Variants in NKAIN3 observed in about 807,000 individuals in gnomAD.
The protein encoded by NKAIN3 is sodium/potassium-transporting ATPase subunit beta-1-interacting protein 3.
In NKAIN3, 25 loss-of-function variants were observed where a neutral mutation model predicts 30.2. That is an observed-to-expected ratio of 0.83 (90% CI 0.60 to 1.16). The LOEUF (loss-of-function observed/expected upper bound fraction) is 1.16. Among genes scored for constraint, NKAIN3 ranks in the 50% most tolerant of loss-of-function variants. The probability of loss-of-function intolerance (pLI) is 0.00; values close to 1 mark genes in which losing one functional copy is unlikely to be tolerated. For missense variants in NKAIN3, 225 were observed against 254.1 expected (o/e 0.89, Z 0.78); for synonymous variants, 91 against 89.6 (o/e 1.02, Z -0.09).
intron 1 of NKAIN3, among the ~76,000 whole-genome samples, chr8:62,458,928 A>T (rs1383216801): frequency 1.3e-5 from 2 of 152,156 alleles, no homozygotes; most frequent in East Asian, 3.9e-4. Context: ...AGAATTCTTT[A>T]TCTTTCCTGT....
chr8:62,996,571 A>G (rs1191494372), intron 5 of NKAIN3, among the ~76,000 whole-genome samples: 2 of 152,158 alleles, frequency 1.3e-5, no homozygotes, highest in Non-Finnish European at 2.9e-5. Flanking sequence ...CAGCATTATC[A>G]CAAAAGTCCA....
At chr8:62,850,397 C>T (rs1345324534) in intron 4 of NKAIN3, among the ~76,000 whole-genome samples, 1 of 152,048 alleles carries the variant, frequency 6.6e-6, no homozygotes, top group Non-Finnish European at 1.5e-5. Flanking sequence ...TTCTCCCATT[C>T]TGTAGGCTGC....
intron 4 of NKAIN3, among the ~76,000 whole-genome samples, chr8:62,883,457 G>GTTGTTGTTGTT: frequency 1.4e-5 from 1 of 70,226 alleles, no homozygotes; most frequent in African/African-American, 7.0e-5. Flanking sequence ...AGTTTTATGG[G>GTTGTTGTTGTT]TTTTTTTTTT....
At chr8:62,364,533 C>A (rs1816667419) in intron 1 of NKAIN3, among the ~76,000 whole-genome samples, 1 of 151,986 alleles carries the variant, frequency 6.6e-6, no homozygotes, top group Non-Finnish European at 1.5e-5. Context: ...CTTTGTTCTT[C>A]CCTTTTTAAT....
chr8:62,363,905 A>G (rs936320685), intron 1 of NKAIN3, among the ~76,000 whole-genome samples: 2 of 152,216 alleles, frequency 1.3e-5, no homozygotes, highest in East Asian at 1.9e-4. Flanking sequence ...ATTAATAGAA[A>G]GATGTTTAAT....
chr8:62,350,764 C>T (rs1263244085), intron 1 of NKAIN3, among the ~76,000 whole-genome samples: 1 of 151,994 alleles, frequency 6.6e-6, no homozygotes, highest in East Asian at 1.9e-4. Context: ...AATCTTGGCT[C>T]ACAGCAACCT....
intron 3 of NKAIN3, among the ~76,000 whole-genome samples, chr8:62,617,921 A>G (rs1345965238): frequency 6.6e-6 from 1 of 152,258 alleles, no homozygotes; most frequent in Non-Finnish European, 1.5e-5. Flanking sequence ...TGAGTAGTTG[A>G]CACCAGAACT....
chr8:62,582,993 C>G (rs1356357504), intron 2 of NKAIN3, among the ~76,000 whole-genome samples: 1 of 152,138 alleles, frequency 6.6e-6, no homozygotes, highest in Non-Finnish European at 1.5e-5. Context: ...CCCGGTCTAG[C>G]AATATTTCCT....
intron 1 of NKAIN3, among the ~76,000 whole-genome samples, chr8:62,499,168 G>A (rs557184852): frequency 2.0e-5 from 3 of 152,168 alleles, no homozygotes; most frequent in Non-Finnish European, 2.9e-5. Flanking sequence ...AGGACTAGGC[G>A]TAAACTGCTG....
intron 4 of NKAIN3, among the ~76,000 whole-genome samples, chr8:62,755,256 G>A (rs1816413042): frequency 6.6e-6 from 1 of 152,204 alleles, no homozygotes; most frequent in African/African-American, 2.4e-5. Context: ...TGTGAGAAAA[G>A]AGGACTTCTC....
At chr8:62,256,799 C>T (rs1328069202) in intron 1 of NKAIN3, among the ~76,000 whole-genome samples, 1 of 152,144 alleles carries the variant, frequency 6.6e-6, no homozygotes, top group Admixed American at 6.5e-5. Context: ...GATCACTTTG[C>T]TTTTATAAAA....
At chr8:62,408,865 A>G (rs1415469075) in intron 1 of NKAIN3, among the ~76,000 whole-genome samples, 1 of 152,226 alleles carries the variant, frequency 6.6e-6, no homozygotes, top group African/African-American at 2.4e-5. Flanking sequence ...GTTCATATCC[A>G]TTAGTCACAA....
intron 1 of NKAIN3, among the ~76,000 whole-genome samples, chr8:62,434,978 C>A (rs1200767875): frequency 1.3e-5 from 2 of 152,052 alleles, no homozygotes; most frequent in Non-Finnish European, 2.9e-5. Context: ...GATAAGCTCC[C>A]TTTCCTGAGC....
chr8:62,437,303 T>C (rs537191867), intron 1 of NKAIN3, among the ~76,000 whole-genome samples: 2 of 152,294 alleles, frequency 1.3e-5, no homozygotes, highest in African/African-American at 4.8e-5. Context: ...ATAAAATATC[T>C]CCCAAATAGA....
At chr8:62,475,718 T>G (rs1041296564) in intron 1 of NKAIN3, among the ~76,000 whole-genome samples, 1 of 152,090 alleles carries the variant, frequency 6.6e-6, no homozygotes, top group Non-Finnish European at 1.5e-5. Flanking sequence ...GTTTAATAGC[T>G]CCAAAGGCAC....
intron 4 of NKAIN3, among the ~76,000 whole-genome samples, chr8:62,781,090 G>A (rs1018373441): frequency 6.6e-6 from 1 of 151,688 alleles, no homozygotes; most frequent in Non-Finnish European, 1.5e-5. Context: ...GAAGTTGCAG[G>A]ATACAAAATT....
At chr8:62,692,191 C>A (rs1031670720) in intron 3 of NKAIN3, among the ~76,000 whole-genome samples, 4 of 152,114 alleles carry the variant, frequency 2.6e-5, no homozygotes, top group African/African-American at 9.7e-5. Flanking sequence ...AATGAAGAAG[C>A]CAGCCCAGAT....
intron 1 of NKAIN3, among the ~76,000 whole-genome samples, chr8:62,328,085 C>A (rs1470727455): frequency 6.6e-6 from 1 of 152,076 alleles, no homozygotes; most frequent in Non-Finnish European, 1.5e-5. Flanking sequence ...ATTATGCCAA[C>A]TTATTCCATT....
At chr8:62,490,754 G>A (rs1185350669) in intron 1 of NKAIN3, among the ~76,000 whole-genome samples, 1 of 152,170 alleles carries the variant, frequency 6.6e-6, no homozygotes, top group Non-Finnish European at 1.5e-5. Context: ...CATGGAAAAG[G>A]CAGCATGTCC....
Sources: gnomAD v4.1 joint callset for allele counts (sites outside exome capture counted in the v4.1 genomes callset) on GRCh38, gnomAD v4.1.1 for gene constraint, MANE v1.5 for transcripts, NCBI Gene and HGNC (gene_info 2026-07-23, HGNC 2026-07-21) for gene names.